The following RCE1 variants were observed in gnomAD, a reference collection of about 807,000 sequenced individuals.
RCE1 encodes the protein Ras converting CAAX endopeptidase 1.
In RCE1, 15 loss-of-function variants were observed where a neutral mutation model predicts 35.0. That is an observed-to-expected ratio of 0.43 (90% CI 0.29 to 0.66). The LOEUF is 0.66. RCE1 is among the 30% of genes least tolerant of loss of function. RCE1 has a pLI of 0.17. For synonymous variants in RCE1, 261 were observed against 192.7 expected (o/e 1.35, Z -2.94); for missense variants, 434 against 433.0 (o/e 1.00, Z -0.02).
chr11:66,845,124 C>T, intron 5 of RCE1, 42 bp from the exon 6 acceptor site: 1 of 1,614,028 alleles, frequency 6.2e-7, no homozygotes, highest in Non-Finnish European at 8.5e-7. Context: ...AGAAGGGAGG[C>T]TGGGAGGAAT....
chr11:66,846,432 T>TCCCCACC lies in RCE1; in HGVS notation c.*350_*356dup, dbSNP rs752643504. The TCCCCACC allele has an allele frequency of 2.0e-4, 40 of 195,272 alleles. No homozygotes were observed. Among genetic ancestry groups the TCCCCACC allele is most frequent in the African/African-American group, 8.2e-4 (33 of 40,014 alleles). 12.1% of individuals were successfully genotyped at this position (195,272 alleles called of 1,614,324 possible). ...CGGGGTTTTTTATTTATAAAACCTC[T>TCCCCACC]CCCCACCCCCCACCCCCCAACTTCC... On this transcript the variant is annotated 3_prime_UTR_variant, in exon 8 of 8. Coordinates refer to ENST00000309657, the MANE Select transcript of RCE1 (RefSeq NM_005133.3).
intron 4 of RCE1, 191 bp downstream of exon 4, chr11:66,844,555 C>T (rs1945166359): frequency 3.9e-6 from 3 of 775,792 alleles, no homozygotes; most frequent in African/African-American, 3.5e-5. Context: ...AAGGAGTTCC[C>T]TGGGAACCCC....
chr11:66,843,746 G>C lies in RCE1; in HGVS notation c.186-13G>C, dbSNP rs753550049. 14 of 1,612,630 alleles carry C rather than the reference G, an allele frequency of 8.7e-6. No homozygotes were observed. Among genetic ancestry groups the C allele is most frequent in the Admixed American group, 1.7e-5 (1 of 59,922 alleles). On this transcript the variant is annotated splice_polypyrimidine_tract_variant and intron_variant, in intron 1 of 7. Transcript: ENST00000309657. ...CAGCCGCGGGCCCCCTGAACTTACTGTCCCCTCCGTAGGGACCATCCCGCG... is the reference window on the plus strand; with the variant it reads ...CAGCCGCGGGCCCCCTGAACTTACTCTCCCCTCCGTAGGGACCATCCCGCG...
intron 3 of RCE1, 102 bp downstream of exon 3, chr11:66,844,141 CT>C: frequency 3.1e-6 from 5 of 1,592,788 alleles, no homozygotes; most frequent in Non-Finnish European, 4.3e-6. Flanking sequence ...GGAGACAGGA[CT>C]TTTGAGATGG....
rs1282994385 is a variant in RCE1 at position 66,846,299 on chromosome 11, C to G, written c.*204C>G. The G allele has an allele frequency of 1.6e-6, 1 of 626,468 alleles. No homozygotes were observed. Among genetic ancestry groups the G allele is most frequent in the African/African-American group, 1.9e-5 (1 of 53,954 alleles). The allele number at this position is 626,468 out of a possible 1,614,324, so 38.8% of individuals were successfully genotyped here. On this transcript the variant is annotated 3_prime_UTR_variant, in exon 8 of 8. Transcript: ENST00000309657. Reference sequence around the variant, plus strand: ...CAGCCCCTTTTGAAAGGGGTGTTTACGAGCAGCTGTGAGTGAGGGGACAAG... The same window carrying G: ...CAGCCCCTTTTGAAAGGGGTGTTTAGGAGCAGCTGTGAGTGAGGGGACAAG...
At chr11:66,845,669 G>T (rs1320163677) in intron 7 of RCE1, 107 bp downstream of exon 7, 1 of 1,565,438 alleles carries the variant, frequency 6.4e-7, no homozygotes. Flanking sequence ...CAGTCCTTGA[G>T]ACAGGCTGAG....
In RCE1 at chr11:66,846,181, G is replaced by T. The variant is rs1945206732; in HGVS notation, c.*86G>T. The T allele has an allele frequency of 7.5e-6, 11 of 1,473,632 alleles. No homozygotes were observed. Among genetic ancestry groups the T allele is most frequent in the Non-Finnish European group, 9.9e-6 (11 of 1,112,290 alleles). The allele number at this position is 1,473,632 out of a possible 1,614,324, so 91.3% of individuals were successfully genotyped here. On this transcript the variant is annotated 3_prime_UTR_variant, in exon 8 of 8. Coordinates refer to ENST00000309657, the MANE Select transcript of RCE1 (RefSeq NM_005133.3). ...TACTGCAGGGGAAGGGCTGGCTGGG[G>T]TCCCCGAGATCTCAGGAATTTTTGT...
rs371905349 is a variant in RCE1, at chr11:66,843,822, C to G, written c.249C>G (p.Pro83=). 3.7e-6 allele frequency: 6 copies of G among 1,614,096 alleles called. No homozygotes were observed. In the East Asian group the frequency reaches 1.3e-4, roughly 36 times the overall value. The change falls in exon 2 of 8, where the codon CCC becomes CCG. Residue 83 remains proline, a synonymous_variant. Transcript: ENST00000309657. Reference sequence around the variant, plus strand: ...TCCTGGTGGTGTCCAGTCTCTCACCCCTGTGCGTGCTGCTCTGGAGGGAAC... The same window carrying G: ...TCCTGGTGGTGTCCAGTCTCTCACCGCTGTGCGTGCTGCTCTGGAGGGAAC... ...TSVLVVSSLS[P]LCVLLWRELT...
rs1438864936 is a variant in RCE1, at chr11:66,845,951, G to T, written c.846G>T (p.Arg282=). ...CGGCCTTGGAGCACCCACAGAGGCG[G>T]CCCCTGCTGGCAGGCTATGCCCTGG... is the stretch of plus-strand genomic sequence containing the variant. ...VCAALEHPQR[R]PLLAGYALGV... is the part of the protein sequence containing the mutation. The change falls in exon 8 of 8, where the codon CGG becomes CGT. Residue 282 remains arginine (R), a synonymous_variant. Coordinates refer to ENST00000309657, the MANE Select transcript of RCE1 (RefSeq NM_005133.3). 1.2e-6 allele frequency: 2 copies of T among 1,613,598 alleles called. No individual in the cohort carries two copies. Among genetic ancestry groups the T allele is most frequent in the African/African-American group, 1.3e-5 (1 of 74,946 alleles).
chr11:66,844,023 C>T lies in RCE1; in HGVS notation c.356C>T (p.Pro119Leu). 6.2e-7 allele frequency: 1 copy of T among 1,614,094 alleles called. No individual in the cohort carries two copies. The highest frequency in any genetic ancestry group is 8.5e-7 in the Non-Finnish European group (1 of 1,180,026). Residue 119 changes from proline to leucine, a missense_variant, in exon 3 of 8, where the codon CCC becomes CTC. Pro to Leu is a moderately conservative substitution (Grantham distance 98). Coordinates refer to ENST00000309657, the MANE Select transcript of RCE1 (RefSeq NM_005133.3). ...GGCATTTTCCCAGCGGCGCTGCTGC[C>T]CCTGTTGCTGACCATGGTGAGTGCT... ...LEGIFPAALL[P>L]LLLTMILFLG...
At position 66,846,037 on chromosome 11, in the gene RCE1, T is replaced by A; in HGVS notation, c.932T>A (p.Leu311His). The A allele has an allele frequency of 6.2e-7, 1 of 1,613,744 alleles. No homozygotes were observed. Among genetic ancestry groups the A allele is most frequent in the Non-Finnish European group, 8.5e-7 (1 of 1,179,996 alleles). ...ACGGACCCCAAGCTCTACGGCAGCC[T>A]TCCCCTTTGTGTGCTTTTGGAGCGG... ...PLTDPKLYGSLPLCVLLERAG... is the reference protein window; with the variant it reads ...PLTDPKLYGSHPLCVLLERAG... Residue 311 changes from leucine (L) to histidine (H), a missense_variant, in exon 8 of 8, where the codon CTT (leucine) becomes CAT (histidine). By Grantham distance (99) the Leu-to-His change is moderately conservative (BLOSUM62 -3). Transcript: ENST00000309657.
At chr11:66,844,256 G>C (rs1295890955) in intron 3 of RCE1, 30 bp from the exon 4 acceptor site, 4 of 1,614,072 alleles carry the variant, frequency 2.5e-6, no homozygotes, top group African/African-American at 1.3e-5. Flanking sequence ...AAAGCGGTGG[G>C]TTATGGTGAA....
rs372067662 is a variant in RCE1 at position 66,845,250 on chromosome 11, T to A, written c.691+13T>A. 1.4e-5 allele frequency: 22 copies of A among 1,614,080 alleles called. No individual in the cohort carries two copies. Among genetic ancestry groups the A allele is most frequent in the Non-Finnish European group, 1.8e-5 (21 of 1,180,046 alleles). On this transcript the variant is annotated intron_variant, in intron 6 of 7. Coordinates refer to ENST00000309657, the MANE Select transcript of RCE1 (RefSeq NM_005133.3). ...TTCTTGTCTGCTGGTGAGTCCTGGC[T>A]AGCTGGCCTGGGTTAGGGTGTATGA...
Position 66,843,544 on chromosome 11 carries a change from GC to G in RCE1, c.93del (p.Leu33CysfsTer72), listed in dbSNP as rs1235656038. The G allele has an allele frequency of 1.3e-6, 2 of 1,551,206 alleles. No homozygotes were observed. The highest frequency in any genetic ancestry group is 8.6e-7 in the Non-Finnish European group (1 of 1,157,276). On this transcript the variant is annotated frameshift_variant, in exon 1 of 8. Coordinates refer to ENST00000309657, the MANE Select transcript of RCE1 (RefSeq NM_005133.3). LOFTEE classifies it high-confidence loss of function. ...GAGTCGGCGGCGCTGGGCGGCCTGG[GC>G]CCCGGGCTGTGCTGCTGGGTGTCAG... ...PPESAALGGL[G>X]PGLCCWVSVF...
In RCE1 at chr11:66,843,592, C is replaced by T. The variant is rs1011109600; in HGVS notation, c.137C>T (p.Ala46Val). 2 of 1,590,574 alleles carry T rather than the reference C, an allele frequency of 1.3e-6. No individual in the cohort carries two copies. Among genetic ancestry groups the T allele is most frequent in the African/African-American group, 2.7e-5 (2 of 74,784 alleles). The stretch of plus-strand genomic sequence containing the variant: ...TCAGTGTTCTCCTGCCTCAGCCTCG[C>T]CTGCTCCTACGTGGGCAGCCTCTAC... ...WVSVFSCLSL[A>V]CSYVGSLYVW... Residue 46 changes from alanine to valine, a missense_variant, in exon 1 of 8, where the codon GCC becomes GTC. Ala to Val is a moderately conservative substitution (Grantham distance 64). Transcript: ENST00000309657.
Position 66,846,254 on chromosome 11 carries a change from A to C in RCE1, c.*159A>C, listed in dbSNP as rs561440596. The C allele has an allele frequency of 1.2e-4, 112 of 934,994 alleles. No individual in the cohort carries two copies. The highest frequency in any genetic ancestry group is 1.0e-3 in the East Asian group (39 of 37,246). The allele number at this position is 934,994 out of a possible 1,614,324, so 57.9% of individuals were successfully genotyped here. On this transcript the variant is annotated 3_prime_UTR_variant, in exon 8 of 8. Coordinates refer to ENST00000309657, the MANE Select transcript of RCE1 (RefSeq NM_005133.3). ...TTGCGTCCCAGGGACCAAGAGAAAG[A>C]AGCAGATATCCAAAGGGTGCAGCCC...
At chr11:66,845,271 TATG>T (rs1310017305) in intron 6 of RCE1, 34 bp downstream of exon 6, 26 of 1,613,902 alleles carry the variant, frequency 1.6e-5, no homozygotes, top group Non-Finnish European at 2.2e-5. Context: ...GGTTAGGGTG[TATG>T]ATGATGTCGC....
chr11:66,845,523 G>A lies in RCE1; in HGVS notation c.715G>A (p.Val239Ile). 2 of 1,614,212 alleles carry A rather than the reference G, an allele frequency of 1.2e-6. No individual in the cohort carries two copies. The highest frequency in any genetic ancestry group is 1.6e-4 in the Middle Eastern group (1 of 6,062). The change falls in exon 7 of 8, where the codon GTC (valine) becomes ATC (isoleucine). Residue 239 changes from valine to isoleucine, a missense_variant. Physicochemically the swap from Val to Ile is conservative, Grantham distance 29. Coordinates refer to ENST00000309657, the MANE Select transcript of RCE1 (RefSeq NM_005133.3). ...SAAFQFSYTA[V>I]FGAYTAFLFI... ...AGCGTTCCAGTTCTCCTACACAGCT[G>A]TCTTCGGTGCCTACACTGCTTTCCT...
In RCE1 at chr11:66,844,905, G is replaced by T; in HGVS notation, c.488G>T (p.Arg163Leu). Reference protein sequence around the residue: ...RSWARCLTDMRWLRNQVIAPL... With the variant: ...RSWARCLTDMLWLRNQVIAPL... ...TGGGCCCGCTGCCTCACAGACATGCGTTGGCTGCGGAACCAAGTGATCGCC... is the reference window on the plus strand; with the variant it reads ...TGGGCCCGCTGCCTCACAGACATGCTTTGGCTGCGGAACCAAGTGATCGCC... Residue 163 changes from arginine to leucine, a missense_variant, in exon 5 of 8, where the codon CGT becomes CTT. Coordinates refer to ENST00000309657, the MANE Select transcript of RCE1 (RefSeq NM_005133.3). The T allele has an allele frequency of 6.3e-7, 1 of 1,583,734 alleles. No individual in the cohort carries two copies. Among genetic ancestry groups the T allele is most frequent in the Non-Finnish European group, 8.6e-7 (1 of 1,165,976 alleles).
Sources: allele counts gnomAD v4.1 joint callset, GRCh38; gene constraint gnomAD v4.1.1; transcripts MANE v1.5; gene names NCBI Gene and HGNC (gene_info 2026-07-23, HGNC 2026-07-21).